The following FMN2 variants were observed in gnomAD, a reference collection of about 807,000 sequenced individuals.
The protein encoded by FMN2 is formin 2.
In FMN2, 51 loss-of-function variants were observed where a neutral mutation model predicts 142.3. The observed-to-expected ratio is 0.36, with a 90% CI of 0.29 to 0.45. The LOEUF (loss-of-function observed/expected upper bound fraction) is 0.45. Among genes scored for constraint, FMN2 ranks in the 20% least tolerant of loss-of-function variants. FMN2 has a pLI of 1.00. For missense variants in FMN2, 1,936 were observed against 2,122.8 expected (o/e 0.91, Z 1.73); for synonymous variants, 882 against 869.8 (o/e 1.01, Z -0.25).
At chr1:240,113,887 C>T (rs1433417935) in intron 1 of FMN2, among the ~76,000 whole-genome samples, 1 of 152,166 alleles carries the variant, frequency 6.6e-6, no homozygotes, top group Non-Finnish European at 1.5e-5. Context: ...CTTGGTTTTG[C>T]AAAATCAGGA....
rs142399934 is a variant in FMN2 at position 240,425,204 on chromosome 1, T to TGAGAGAGAGAGAGAGAGAGA, written c.4911-12845_4911-12826dup. ...TCACTAAGCAAGGATTTGAATGAGG[T>TGAGAGAGAGAGAGAGAGAGA]GAGAGAGAGAGAGAGAGAGAGAGAG... On this transcript the variant is annotated intron_variant, in intron 15 of 17. Transcript: ENST00000319653. 4.2e-3 allele frequency among the ~76,000 whole-genome samples: 572 copies of TGAGAGAGAGAGAGAGAGAGA among 134,896 alleles called. 11 individuals are homozygous for TGAGAGAGAGAGAGAGAGAGA. The highest frequency in any genetic ancestry group is 5.8e-3 in the African/African-American group (215 of 37,304). 88.5% of individuals were successfully genotyped at this position (134,896 alleles called of 152,430 possible). A position where few individuals can be genotyped will look rare whatever the true frequency, so the allele number is the denominator to read the frequency against.
chr1:240,382,963 T>A (rs910463475), intron 14 of FMN2, among the ~76,000 whole-genome samples: 9 of 151,930 alleles, frequency 5.9e-5, no homozygotes, highest in Admixed American at 2.6e-4. Context: ...AAGCCACATA[T>A]GTACAACCAA....
At chr1:240,211,367 G>C (rs1481854470) in intron 6 of FMN2, 132 bp downstream of exon 6, 4 of 773,108 alleles carry the variant, frequency 5.2e-6, no homozygotes, top group Non-Finnish European at 8.3e-6. Flanking sequence ...GCAAGGGTTA[G>C]AACTTTAGAA....
chr1:240,377,846 G>A (rs1673095998), intron 14 of FMN2, among the ~76,000 whole-genome samples: 1 of 151,790 alleles, frequency 6.6e-6, no homozygotes, highest in Non-Finnish European at 1.5e-5. Flanking sequence ...TACAGCTGGG[G>A]ATTAATAAAT....
chr1:240,260,886 G>C lies in FMN2; in HGVS notation c.4153+2854G>C, dbSNP rs552370162. Among the ~76,000 whole-genome samples, 4 of 152,280 alleles carry C rather than the reference G, an allele frequency of 2.6e-5. No individual in the cohort carries two copies. The East Asian group carries it at 7.7e-4, about 29-fold the overall frequency. ...TCTTCTAGAATTTTTATAGTTTCAGGTCTTAGGTTTAAGTCCTTGACCCAT... is the reference window on the plus strand; with the variant it reads ...TCTTCTAGAATTTTTATAGTTTCAGCTCTTAGGTTTAAGTCCTTGACCCAT... On this transcript the variant is annotated intron_variant, in intron 7 of 17. Coordinates refer to ENST00000319653, the MANE Select transcript of FMN2 (RefSeq NM_020066.5).
At chr1:240,245,556 G>C (rs1264175604) in intron 6 of FMN2, 1 of 471,458 alleles carries the variant, frequency 2.1e-6, no homozygotes, top group East Asian at 7.0e-5. Flanking sequence ...AGCTCATTAG[G>C]CAGAGGATGG....
At chr1:240,367,551 G>A (rs1347568306) in intron 14 of FMN2, among the ~76,000 whole-genome samples, 1 of 151,924 alleles carries the variant, frequency 6.6e-6, no homozygotes, top group African/African-American at 2.4e-5. Flanking sequence ...GGTGGATCAC[G>A]AGGTCAGGAG....
intron 4 of FMN2, among the ~76,000 whole-genome samples, chr1:240,192,205 A>G (rs1356095243): frequency 6.6e-6 from 1 of 152,212 alleles, no homozygotes; most frequent in East Asian, 1.9e-4. Context: ...ACTCAGTTCC[A>G]TTAGTTTCAG....
intron 2 of FMN2, among the ~76,000 whole-genome samples, chr1:240,124,623 GTTGGCTCAC>G (rs1347658296): frequency 6.6e-6 from 1 of 152,008 alleles, no homozygotes; most frequent in African/African-American, 2.4e-5. Flanking sequence ...AAAATTGAAG[GTTGGCTCAC>G]TTGTGCAGAG....
At chr1:240,336,988 A>G (rs1671586459) in intron 13 of FMN2, among the ~76,000 whole-genome samples, 1 of 152,100 alleles carries the variant, frequency 6.6e-6, no homozygotes, top group South Asian at 2.1e-4. Context: ...TTACTGGGAA[A>G]AAAAGATATA....
At chr1:240,180,870 C>G (rs1665123430) in intron 3 of FMN2, among the ~76,000 whole-genome samples, 1 of 149,866 alleles carries the variant, frequency 6.7e-6, no homozygotes, top group Non-Finnish European at 1.5e-5. Context: ...CCCGGGTGAC[C>G]CCTTTCTATT....
chr1:240,137,947 G>A (rs531078479), intron 2 of FMN2, among the ~76,000 whole-genome samples: 384 of 151,540 alleles, frequency 2.5e-3, no homozygotes, highest in African/African-American at 8.6e-3. Context: ...AAAATTAGCC[G>A]GGTGCAGTCG....
intron 2 of FMN2, among the ~76,000 whole-genome samples, chr1:240,133,438 C>T (rs768359061): frequency 6.6e-6 from 1 of 152,142 alleles, no homozygotes; most frequent in Non-Finnish European, 1.5e-5. Flanking sequence ...CCCAAAGTGA[C>T]GGGATTACAG....
intron 14 of FMN2, among the ~76,000 whole-genome samples, chr1:240,377,692 C>T (rs1048533586): frequency 6.6e-6 from 1 of 152,088 alleles, no homozygotes; most frequent in Non-Finnish European, 1.5e-5. Context: ...CTTTCACTTA[C>T]AAGGACCCAG....
chr1:240,260,027 T>C (rs1668575118), intron 7 of FMN2, among the ~76,000 whole-genome samples: 1 of 152,340 alleles, frequency 6.6e-6, no homozygotes, highest in African/African-American at 2.4e-5. Context: ...CCTGAGTTAC[T>C]TCACTTAGAA....
intron 15 of FMN2, among the ~76,000 whole-genome samples, chr1:240,402,597 G>T (rs1038051425): frequency 1.3e-5 from 2 of 152,156 alleles, no homozygotes; most frequent in Non-Finnish European, 2.9e-5. Flanking sequence ...GTTAAGGTTG[G>T]CTTCATCCCC....
intron 8 of FMN2, among the ~76,000 whole-genome samples, chr1:240,314,245 A>G (rs1178964618): frequency 1.4e-4 from 21 of 152,122 alleles, no homozygotes; most frequent in Admixed American, 1.2e-3. Context: ...AAAAAGGGGG[A>G]GTAGATCATA....
intron 6 of FMN2, among the ~76,000 whole-genome samples, chr1:240,238,958 CTT>C (rs1667799077): frequency 7.0e-6 from 1 of 142,072 alleles, no homozygotes; most frequent in Non-Finnish European, 1.5e-5. Flanking sequence ...TAGAAGGAGA[CTT>C]TTGTGTGGGG....
At chr1:240,339,736 G>GCATA (rs1671686152) in intron 13 of FMN2, among the ~76,000 whole-genome samples, 1 of 152,032 alleles carries the variant, frequency 6.6e-6, no homozygotes, top group Admixed American at 6.5e-5. Context: ...TATTGCATGT[G>GCATA]CATACATACA....
Sources: allele counts gnomAD v4.1 joint callset (sites outside exome capture counted in the v4.1 genomes callset), GRCh38; gene constraint gnomAD v4.1.1; transcripts MANE v1.5; gene names NCBI Gene and HGNC (gene_info 2026-07-23, HGNC 2026-07-21).